MICAL2: variants seen among roughly 807,000 people sequenced by gnomAD.
MICAL2 encodes the protein [F-actin]-monooxygenase MICAL2.
Under a neutral mutation model 127.3 loss-of-function variants are expected in MICAL2, and 77 were observed. The ratio of observed to expected loss-of-function variants is 0.60; its 90% CI spans 0.50 to 0.73. The LOEUF (loss-of-function observed/expected upper bound fraction) is 0.73. Ranked by LOEUF, MICAL2 falls within the 30% of genes least tolerant of loss-of-function variation. The pLI is 0.00. For synonymous variants in MICAL2, 570 were observed against 551.1 expected (o/e 1.03, Z -0.48); for missense variants, 1,351 against 1,434.4 (o/e 0.94, Z 0.94).
intron 32 of MICAL2, among the ~76,000 whole-genome samples, chr11:12,345,271 T>C (rs1481045279): frequency 6.6e-6 from 1 of 152,230 alleles, no homozygotes; most frequent in South Asian, 2.1e-4. Flanking sequence ...GTAGTGCCAA[T>C]GAACATGACA....
intron 33 of MICAL2, among the ~76,000 whole-genome samples, chr11:12,350,779 C>T (rs1412914114): frequency 1.3e-5 from 2 of 152,154 alleles, no homozygotes; most frequent in African/African-American, 2.4e-5. Context: ...TACCTTTATT[C>T]GTTTCCTAGG....
intron 17 of MICAL2, among the ~76,000 whole-genome samples, chr11:12,240,225 A>G (rs10831771): frequency 0.17 from 26,586 of 152,134 alleles, 2,412 homozygotes; most frequent in South Asian, 0.27. Context: ...AGGAGGCAGA[A>G]TGCTGCGTCA....
intron 2 of MICAL2, among the ~76,000 whole-genome samples, chr11:12,154,400 G>A (rs143004240): frequency 9.4e-4 from 143 of 152,224 alleles, no homozygotes; most frequent in African/African-American, 3.2e-3. Context: ...GACAGTCAGG[G>A]AAAGAAGACT....
At chr11:12,246,614 T>G (rs150714104) in intron 21 of MICAL2, among the ~76,000 whole-genome samples, 1 of 152,314 alleles carries the variant, frequency 6.6e-6, no homozygotes, top group Non-Finnish European at 1.5e-5. Flanking sequence ...TTTTTTGTTT[T>G]TTTGGAGACA....
At chr11:12,119,416 C>T (rs1850320889) in intron 1 of MICAL2, among the ~76,000 whole-genome samples, 1 of 152,210 alleles carries the variant, frequency 6.6e-6, no homozygotes, top group African/African-American at 2.4e-5. Context: ...TTATGAAACC[C>T]TTCAAATCCA....
intron 21 of MICAL2, among the ~76,000 whole-genome samples, chr11:12,245,405 G>T (rs1223366268): frequency 1.3e-5 from 2 of 152,260 alleles, no homozygotes; most frequent in African/African-American, 4.8e-5. Context: ...CTGCCCCTTG[G>T]TGTGTAATTG....
intron 1 of MICAL2, among the ~76,000 whole-genome samples, chr11:12,114,574 G>A (rs561813421): frequency 6.6e-6 from 1 of 152,260 alleles, no homozygotes; most frequent in Admixed American, 6.5e-5. Context: ...CCACCTCTTG[G>A]CTGTGCTGGA....
intron 1 of MICAL2, among the ~76,000 whole-genome samples, chr11:12,131,838 C>T (rs1338895051): frequency 6.6e-6 from 1 of 152,128 alleles, no homozygotes; most frequent in Admixed American, 6.5e-5. Flanking sequence ...GGATGCGAAG[C>T]CTACTCAGAG....
intron 2 of MICAL2, among the ~76,000 whole-genome samples, chr11:12,149,726 A>T (rs1853362996): frequency 6.6e-6 from 1 of 152,152 alleles, no homozygotes; most frequent in Non-Finnish European, 1.5e-5. Context: ...TTGCAAGGGA[A>T]ATTGGCCACA....
At chr11:12,240,690 A>G (rs1007625031) in intron 17 of MICAL2, among the ~76,000 whole-genome samples, 2 of 152,188 alleles carry the variant, frequency 1.3e-5, no homozygotes, top group Admixed American at 6.5e-5. Flanking sequence ...TTCTGTTTCC[A>G]GGTAGACTCC....
intron 3 of MICAL2, among the ~76,000 whole-genome samples, chr11:12,186,264 T>C (rs949866218): frequency 1.3e-5 from 2 of 152,190 alleles, no homozygotes; most frequent in Admixed American, 6.5e-5. Flanking sequence ...TTTTTTTCTT[T>C]TTTTTTCTTT....
chr11:12,213,241 T>C lies in MICAL2; in HGVS notation c.692-14T>C, dbSNP rs150186484. 5.2e-3 allele frequency: 8,188 copies of C among 1,584,604 alleles called. 17 individuals carry two copies. Among genetic ancestry groups the C allele is most frequent in the Non-Finnish European group, 6.4e-3 (7,475 of 1,163,548 alleles). On this transcript the variant is annotated splice_polypyrimidine_tract_variant and intron_variant, in intron 6 of 27. Transcript: ENST00000683283. ...CCAGAAGATAGACCCACTTTTTCAT[T>C]TCTCCTCATGCAGGGTTCAGAAGAA...
intron 3 of MICAL2, among the ~76,000 whole-genome samples, chr11:12,187,521 C>T (rs1023603977): frequency 2.0e-5 from 3 of 152,142 alleles, no homozygotes; most frequent in African/African-American, 7.2e-5. Flanking sequence ...CTTGAGTTAC[C>T]ACAAGGATAT....
chr11:12,309,989 A>G (rs1324031772), intron 29 of MICAL2, among the ~76,000 whole-genome samples: 2 of 152,074 alleles, frequency 1.3e-5, no homozygotes, highest in African/African-American at 4.8e-5. Context: ...TTTAATAAAT[A>G]TCTATTCAGG....
chr11:12,289,218 C>A (rs550495315), downstream of MICAL2, among the ~76,000 whole-genome samples: 1 of 152,238 alleles, frequency 6.6e-6, no homozygotes. Context: ...CGCTGGTGTG[C>A]GCATCAGCCT....
chr11:12,342,553 C>T lies in MICAL2; in HGVS notation c.5516-7285C>T, dbSNP rs564686496. Among the ~76,000 whole-genome samples, 6 of 152,268 alleles carry T rather than the reference C, an allele frequency of 3.9e-5. No individual in the cohort carries two copies. In the East Asian group the frequency reaches 7.7e-4, roughly 20 times the overall value. ...ATCCATATTGAACTATAGAACTAGACGTTGGAAGAAATGGCAAGGTAGGTG... is the reference window on the plus strand; with the variant it reads ...ATCCATATTGAACTATAGAACTAGATGTTGGAAGAAATGGCAAGGTAGGTG... On this transcript the variant is annotated intron_variant, in intron 32 of 34. Coordinates refer to the MICAL2 transcript ENST00000646065.
downstream of MICAL2, among the ~76,000 whole-genome samples, chr11:12,293,054 A>G (rs925507392): frequency 6.6e-6 from 1 of 152,264 alleles, no homozygotes; most frequent in Admixed American, 6.5e-5. Flanking sequence ...GCTTCAGCCC[A>G]GAGAGTGACT....
chr11:12,226,572 T>A (rs1338001610), intron 14 of MICAL2, among the ~76,000 whole-genome samples: 2 of 152,154 alleles, frequency 1.3e-5, no homozygotes, highest in Non-Finnish European at 2.9e-5. Flanking sequence ...CATCTTGAGT[T>A]TGGGGTGACA....
At chr11:12,270,398 G>A (rs946688912) in intron 24 of MICAL2, among the ~76,000 whole-genome samples, 1 of 152,202 alleles carries the variant, frequency 6.6e-6, no homozygotes, top group African/African-American at 2.4e-5. Flanking sequence ...GCTGGTGTGG[G>A]GCTGGAGGGC....
Sources: gnomAD v4.1 joint callset for allele counts (sites outside exome capture counted in the v4.1 genomes callset) on GRCh38, gnomAD v4.1.1 for gene constraint, MANE v1.5 for transcripts, NCBI Gene and HGNC (gene_info 2026-07-23, HGNC 2026-07-21) for gene names.